Variants in GREB1L observed in about 807,000 individuals in gnomAD.
GREB1L encodes GREB1 like retinoic acid receptor coactivator, also known as GREB1-like protein.
In GREB1L, 17 loss-of-function variants were observed where a neutral mutation model predicts 200.8. The ratio of observed to expected loss-of-function variants is 0.08; its 90% CI spans 0.06 to 0.13. The LOEUF is 0.13. GREB1L is among the 10% of genes least tolerant of loss of function. The pLI, the probability that GREB1L is intolerant of heterozygous loss-of-function variation, is 1.00. For missense variants in GREB1L, 1,657 were observed against 2,367.7 expected, an observed-to-expected ratio of 0.70 and a Z score of 6.23; for synonymous variants, 789 against 893.0, an observed-to-expected ratio of 0.88 and a Z score of 2.08.
chr18:21,359,316 G>C (rs1417238382), intron 1 of GREB1L, among the ~76,000 whole-genome samples: 1 of 152,148 alleles, frequency 6.6e-6, no homozygotes, highest in African/African-American at 2.4e-5. Context: ...TGGGCGTGGT[G>C]GCAGGCGCCT....
At chr18:21,360,418 G>A (rs1230512940) in intron 1 of GREB1L, among the ~76,000 whole-genome samples, 3 of 151,976 alleles carry the variant, frequency 2.0e-5, no homozygotes, top group South Asian at 2.1e-4. Context: ...TAGAGATGGC[G>A]TTTCGCCATG....
rs1281572658 is a variant in GREB1L, at chr18:21,515,432, A to G, written c.4917A>G (p.Val1639=). The change falls in exon 29 of 33, where the codon GTA becomes GTG. Residue 1639 remains valine (V), a synonymous_variant. Transcript: ENST00000424526. ...TATTTCATAGCCAGCCCATGGAAGT[A>G]GGAGTTTCCAGTAAGAATGTGTCCT... ...VQEPSSQPME[V]GVSSKNVSLK... 6 of 1,550,102 alleles carry G rather than the reference A, an allele frequency of 3.9e-6. No homozygotes were observed. Among genetic ancestry groups the G allele is most frequent in the Admixed American group, 2.0e-5 (1 of 50,982 alleles).
intron 30 of GREB1L, among the ~76,000 whole-genome samples, chr18:21,517,100 C>G (rs1453141867): frequency 1.3e-5 from 2 of 152,122 alleles, no homozygotes; most frequent in African/African-American, 4.8e-5. Context: ...TCTTGAACTC[C>G]TGACCTCAAG....
chr18:21,323,020 C>T (rs1252308473), intron 1 of GREB1L, among the ~76,000 whole-genome samples: 2 of 152,020 alleles, frequency 1.3e-5, no homozygotes, highest in African/African-American at 4.8e-5. Flanking sequence ...CACAGTGGCT[C>T]ACACCTGTAA....
intron 1 of GREB1L, among the ~76,000 whole-genome samples, chr18:21,264,716 C>T (rs1417636104): frequency 1.3e-5 from 2 of 150,030 alleles, no homozygotes; most frequent in African/African-American, 4.9e-5. Flanking sequence ...CCCCCAACCT[C>T]TGACTCTCCT....
intron 15 of GREB1L, chr18:21,454,828 T>C (rs1200510089): frequency 2.2e-6 from 1 of 453,112 alleles, no homozygotes; most frequent in Non-Finnish European, 4.1e-6. Flanking sequence ...GACTAGAATC[T>C]GGTCATTTAT....
intron 7 of GREB1L, among the ~76,000 whole-genome samples, chr18:21,414,412 G>A (rs1301903104): frequency 6.6e-6 from 1 of 152,090 alleles, no homozygotes. Context: ...TTTCTTTTAT[G>A]TTATAATTTT....
At chr18:21,251,381 C>G (rs1402295804) in intron 1 of GREB1L, among the ~76,000 whole-genome samples, 1 of 152,124 alleles carries the variant, frequency 6.6e-6, no homozygotes, top group Non-Finnish European at 1.5e-5. Context: ...GAACATAACT[C>G]TAAGTTAACT....
At chr18:21,324,845 G>T (rs1427878904) in intron 1 of GREB1L, among the ~76,000 whole-genome samples, 1 of 152,122 alleles carries the variant, frequency 6.6e-6, no homozygotes, top group Non-Finnish European at 1.5e-5. Flanking sequence ...CTTCTAAGGA[G>T]AATTACTCTA....
intron 15 of GREB1L, among the ~76,000 whole-genome samples, chr18:21,465,572 A>T (rs2035232361): frequency 2.6e-5 from 4 of 152,186 alleles, no homozygotes; most frequent in Admixed American, 2.6e-4. Flanking sequence ...TTAACAACTG[A>T]TTAATCTAAT....
intron 15 of GREB1L, among the ~76,000 whole-genome samples, chr18:21,467,951 G>A (rs554956344): frequency 1.3e-5 from 2 of 151,598 alleles, no homozygotes; most frequent in Non-Finnish European, 2.9e-5. Flanking sequence ...CATGAACCCG[G>A]GAGGTGGAGC....
chr18:21,488,970 A>T (rs1247612583), intron 18 of GREB1L, among the ~76,000 whole-genome samples: 2 of 152,172 alleles, frequency 1.3e-5, no homozygotes, highest in Non-Finnish European at 2.9e-5. Context: ...TTTCTTTTTT[A>T]AAAAATTTTA....
chr18:21,481,437 GTA>G (rs1300428515), intron 17 of GREB1L, among the ~76,000 whole-genome samples: 28 of 117,384 alleles, frequency 2.4e-4, no homozygotes, highest in African/African-American at 3.3e-4. Flanking sequence ...CAGTATATAT[GTA>G]TGTGTGTGTG....
intron 17 of GREB1L, among the ~76,000 whole-genome samples, chr18:21,479,030 C>T (rs9946563): frequency 0.012 from 1,837 of 152,128 alleles, 44 homozygotes; most frequent in African/African-American, 0.042. Flanking sequence ...TACAGGTGCT[C>T]GCCACCTTGC....
intron 1 of GREB1L, among the ~76,000 whole-genome samples, chr18:21,354,485 A>G (rs1469852116): frequency 6.6e-6 from 1 of 152,220 alleles, no homozygotes; most frequent in Non-Finnish European, 1.5e-5. Context: ...GTACTACAGT[A>G]GGTGCTGTGA....
In GREB1L at chr18:21,518,282, C is replaced by G. The variant is rs568899974; in HGVS notation, c.5472+48C>G. 4 of 1,504,246 alleles carry G rather than the reference C, an allele frequency of 2.7e-6. No homozygotes were observed. The South Asian group carries it at 3.7e-5, about 14-fold the overall frequency. The allele number at this position is 1,504,246 out of a possible 1,614,324, so 93.2% of individuals were successfully genotyped here. On this transcript the variant is annotated intron_variant, in intron 31 of 32. Transcript: ENST00000424526. ...TGTGCTTACCTACATCCATCCATTTCTTTCTCATTTTAGCTGTTTACAAAA... is the reference window on the plus strand; with the variant it reads ...TGTGCTTACCTACATCCATCCATTTGTTTCTCATTTTAGCTGTTTACAAAA...
rs35313539 is a variant in GREB1L at position 21,482,642 on chromosome 18, A to ATTTTT, written c.2557-2959_2557-2955dup. On this transcript the variant is annotated intron_variant, in intron 17 of 32. Coordinates refer to ENST00000424526, the MANE Select transcript of GREB1L (RefSeq NM_001142966.3). ...GAGCACACCATTGTGTAGATTACAG[A>ATTTTT]TTTTTTTTTTTTTTTTTTTTTTTAC... Among the ~76,000 whole-genome samples, 15 of 118,074 alleles carry ATTTTT rather than the reference A, an allele frequency of 1.3e-4. 1 individual carries two copies. Among genetic ancestry groups the ATTTTT allele is most frequent in the Non-Finnish European group, 1.8e-4 (11 of 59,642 alleles). 77.5% of individuals were successfully genotyped at this position (118,074 alleles called of 152,430 possible).
intron 7 of GREB1L, among the ~76,000 whole-genome samples, chr18:21,426,145 G>A (rs2032554066): frequency 6.7e-6 from 1 of 148,520 alleles, no homozygotes; most frequent in South Asian, 2.1e-4. Context: ...CAACCTCTGT[G>A]TCCCAGGTTC....
chr18:21,344,079 T>C (rs1217854352), intron 1 of GREB1L, among the ~76,000 whole-genome samples: 2 of 152,134 alleles, frequency 1.3e-5, no homozygotes, highest in East Asian at 3.9e-4. Flanking sequence ...CCAGCCTGGA[T>C]TGTTAACTCC....
Sources: allele counts gnomAD v4.1 joint callset (sites outside exome capture counted in the v4.1 genomes callset), GRCh38; gene constraint gnomAD v4.1.1; transcripts MANE v1.5; gene names NCBI Gene and HGNC (gene_info 2026-07-23, HGNC 2026-07-21).